Variants in SAV1 observed in about 807,000 individuals in gnomAD.
The protein encoded by SAV1 is protein salvador homolog 1.
A neutral mutation model predicts 47.3 loss-of-function variants in SAV1; 23 were observed. The ratio of observed to expected loss-of-function variants is 0.49; its 90% CI spans 0.35 to 0.69. The LOEUF is 0.69. Ranked by LOEUF, SAV1 falls within the 30% of genes least tolerant of loss-of-function variation. The pLI, the probability that SAV1 is intolerant of heterozygous loss-of-function variation, is 0.01. For synonymous variants in SAV1, 155 were observed against 159.2 expected (o/e 0.97, Z 0.20); for missense variants, 448 against 457.4 (o/e 0.98, Z 0.19).
intron 2 of SAV1, 44 bp from the exon 3 acceptor site, chr14:50,645,058 T>C (rs751108897): frequency 2.5e-5 from 39 of 1,546,192 alleles, no homozygotes; most frequent in Admixed American, 3.8e-5. Flanking sequence ...AGAACAATTA[T>C]TCAATGCAAA....
At chr14:50,643,082 T>TA in intron 3 of SAV1, among the ~76,000 whole-genome samples, 1 of 152,340 alleles carries the variant, frequency 6.6e-6, no homozygotes, top group South Asian at 2.1e-4. Context: ...TGGCCTAAGA[T>TA]AGACAACCAG....
intron 3 of SAV1, among the ~76,000 whole-genome samples, chr14:50,644,449 A>T (rs2039703826): frequency 6.6e-6 from 1 of 152,210 alleles, no homozygotes; most frequent in Non-Finnish European, 1.5e-5. Flanking sequence ...AGAAGCTTTA[A>T]TTATTTAATT....
chr14:50,663,956 G>C (rs533189289), intron 2 of SAV1, among the ~76,000 whole-genome samples: 41 of 152,200 alleles, frequency 2.7e-4, no homozygotes, highest in African/African-American at 9.9e-4. Flanking sequence ...TTTTCATTGT[G>C]CTATTCCCAA....
At chr14:50,642,934 T>G (rs1417842451) in intron 3 of SAV1, among the ~76,000 whole-genome samples, 1 of 152,192 alleles carries the variant, frequency 6.6e-6, no homozygotes. Context: ...TTACAAACTA[T>G]GTAAATGTAA....
At chr14:50,659,693 A>C (rs2039842529) in intron 2 of SAV1, among the ~76,000 whole-genome samples, 1 of 152,186 alleles carries the variant, frequency 6.6e-6, no homozygotes, top group African/African-American at 2.4e-5. Context: ...AAAAATACAA[A>C]AAATTAGCCA....
At chr14:50,653,001 A>G (rs2039781867) in intron 2 of SAV1, among the ~76,000 whole-genome samples, 1 of 152,170 alleles carries the variant, frequency 6.6e-6, no homozygotes, top group African/African-American at 2.4e-5. Flanking sequence ...ACTGCACTCC[A>G]GCCTGGGTGA....
In SAV1 at chr14:50,668,236, G is replaced by GA. The variant is rs2039922582; in HGVS notation, c.-270dup. 1 of 198,094 alleles carries GA rather than the reference G, an allele frequency of 5.0e-6. No individual in the cohort carries two copies. Among genetic ancestry groups the GA allele is most frequent in the African/African-American group, 2.8e-5 (1 of 36,172 alleles). 12.3% of individuals were successfully genotyped at this position (198,094 alleles called of 1,614,324 possible). On this transcript the variant is annotated 5_prime_UTR_variant, in exon 1 of 5. It introduces an in-frame stop codon into an upstream open reading frame of the 5' UTR. Transcript: ENST00000324679. ...CGACGCTGCTCGGGGACGCCGTGAG[G>GA]AAAGCCCAGCGACGCCGGGCCAGGG...
chr14:50,639,770 A>C (rs1036374037), intron 4 of SAV1, among the ~76,000 whole-genome samples: 1 of 152,230 alleles, frequency 6.6e-6, no homozygotes, highest in Non-Finnish European at 1.5e-5. Flanking sequence ...CAGAAAGAAT[A>C]ACTCTCCTCA....
chr14:50,634,245 T>G lies in SAV1; in HGVS notation c.*938A>C. Reference sequence around the variant, plus strand: ...CTTCCCAATACAGGCTAAGTATTCCTGCTTATATGTATTCCTGAAAGATTA... The same window carrying G: ...CTTCCCAATACAGGCTAAGTATTCCGGCTTATATGTATTCCTGAAAGATTA... On this transcript the variant is annotated 3_prime_UTR_variant, in exon 5 of 5. Transcript: ENST00000324679. 4.5e-6 allele frequency: 2 copies of G among 440,508 alleles called. No homozygotes were observed. The highest frequency in any genetic ancestry group is 3.2e-5 in the South Asian group (2 of 62,068). The allele number at this position is 440,508 out of a possible 1,614,324, so 27.3% of individuals were successfully genotyped here. A position where few individuals can be genotyped will look rare whatever the true frequency, so the allele number is the denominator to read the frequency against.
chr14:50,638,544 A>G (rs2039655231), intron 4 of SAV1, among the ~76,000 whole-genome samples: 1 of 152,008 alleles, frequency 6.6e-6, no homozygotes, highest in Non-Finnish European at 1.5e-5. Context: ...ATGTAGCCTA[A>G]GTCCCCTGCA....
chr14:50,660,227 T>C (rs984386123), intron 2 of SAV1, among the ~76,000 whole-genome samples: 2 of 152,194 alleles, frequency 1.3e-5, no homozygotes, highest in Admixed American at 6.5e-5. Flanking sequence ...GAAGACAGCA[T>C]TGATAACCCT....
intron 2 of SAV1, among the ~76,000 whole-genome samples, chr14:50,660,780 A>G (rs1198085801): frequency 6.6e-6 from 1 of 152,132 alleles, no homozygotes; most frequent in African/African-American, 2.4e-5. Flanking sequence ...CTCTGCTATC[A>G]TTCTATCTCC....
At chr14:50,654,755 A>T (rs1048907246) in intron 2 of SAV1, among the ~76,000 whole-genome samples, 5 of 152,202 alleles carry the variant, frequency 3.3e-5, no homozygotes, top group Non-Finnish European at 7.4e-5. Context: ...CCAAAAACCA[A>T]TAATAGATAA....
At chr14:50,667,409 A>C in intron 1 of SAV1, 1 of 456,100 alleles carries the variant, frequency 2.2e-6, no homozygotes, top group Non-Finnish European at 4.4e-6. Context: ...CGGCAGCAGG[A>C]CTAAGGAATT....
Position 50,665,429 on chromosome 14 carries a change from T to G in SAV1, c.285A>C (p.Ala95=). The change falls in exon 2 of 5, where the codon GCA becomes GCC. Residue 95 remains alanine, a synonymous_variant. Transcript: ENST00000324679. ...IMRRESNRLS[A]PSYLARSLAD... ...CTAGACTTCTGGCAAGATAAGAAGG[T>G]GCAGATAATCTGTTGCTTTCTCTTC... 6.2e-7 allele frequency: 1 copy of G among 1,613,256 alleles called. No individual in the cohort carries two copies. The highest frequency in any genetic ancestry group is 8.5e-7 in the Non-Finnish European group (1 of 1,179,498).
At chr14:50,656,756 T>C (rs1043725101) in intron 2 of SAV1, among the ~76,000 whole-genome samples, 1 of 152,138 alleles carries the variant, frequency 6.6e-6, no homozygotes, top group Non-Finnish European at 1.5e-5. Context: ...CTGTACTTTC[T>C]GAAAGCACAA....
intron 2 of SAV1, chr14:50,664,410 A>G (rs1234150220): frequency 6.7e-6 from 1 of 149,442 alleles, no homozygotes. Context: ...AACTTGGTAG[A>G]AAAAAAAAAT....
chr14:50,634,861 G>GT lies in SAV1; in HGVS notation c.*321dup, dbSNP rs1158034283. 4.8e-6 allele frequency: 1 copy of GT among 206,752 alleles called. No homozygotes were observed. The highest frequency in any genetic ancestry group is 5.6e-5 in the Admixed American group (1 of 17,786). 12.8% of individuals were successfully genotyped at this position (206,752 alleles called of 1,614,324 possible). The stretch of plus-strand genomic sequence containing the variant: ...TTTTTTTAAAGAAGGTACTACTGCT[G>GT]TAAGAAGTTAACAAGTAATAATTTC... On this transcript the variant is annotated 3_prime_UTR_variant, in exon 5 of 5. Coordinates refer to ENST00000324679, the MANE Select transcript of SAV1 (RefSeq NM_021818.4).
rs551542040 is a variant in SAV1, at chr14:50,646,788, G to C, written c.536-1774C>G. On this transcript the variant is annotated intron_variant, in intron 2 of 4. Transcript: ENST00000324679. ...TGAAAGGCAAAAGAGAACTAGAGTA[G>C]CCAAAACAATTTTTTTGAAAAAGGG... 2.6e-5 allele frequency among the ~76,000 whole-genome samples: 4 copies of C among 151,960 alleles called. No individual in the cohort carries two copies. In the South Asian group the frequency reaches 8.3e-4, roughly 32 times the overall value.
Sources: gnomAD v4.1 joint callset for allele counts (sites outside exome capture counted in the v4.1 genomes callset) on GRCh38, gnomAD v4.1.1 for gene constraint, MANE v1.5 for transcripts, NCBI Gene and HGNC (gene_info 2026-07-23, HGNC 2026-07-21) for gene names.